Variants in TNRC6A observed in about 807,000 individuals in gnomAD.
The protein encoded by TNRC6A is trinucleotide repeat-containing gene 6A protein.
In TNRC6A, 44 loss-of-function variants were observed where a neutral mutation model predicts 221.2. The ratio of observed to expected loss-of-function variants is 0.20; its 90% confidence interval spans 0.16 to 0.26. The LOEUF is 0.26. Among genes scored for constraint, TNRC6A ranks in the 10% least tolerant of loss-of-function variants. The probability of loss-of-function intolerance (pLI) is 1.00; values close to 1 mark genes in which losing one functional copy is unlikely to be tolerated. For synonymous variants in TNRC6A, 847 were observed against 838.5 expected (o/e 1.01, Z -0.18); for missense variants, 2,199 against 2,404.4 (o/e 0.91, Z 1.79).
chr16:24,689,217 T>C (rs1341400997), intron 2 of TNRC6A, among the ~76,000 whole-genome samples: 1 of 152,186 alleles, frequency 6.6e-6, no homozygotes, highest in Non-Finnish European at 1.5e-5. Context: ...CACTTGGAGA[T>C]ACTAACCATC....
At chr16:24,652,297 A>G (rs1902716907) in intron 2 of TNRC6A, among the ~76,000 whole-genome samples, 1 of 152,260 alleles carries the variant, frequency 6.6e-6, no homozygotes, top group African/African-American at 2.4e-5. Flanking sequence ...TCCCGATTAT[A>G]TGGTGGCTAG....
intron 2 of TNRC6A, among the ~76,000 whole-genome samples, chr16:24,661,031 A>G (rs1018307808): frequency 1.1e-4 from 16 of 151,434 alleles, no homozygotes; most frequent in African/African-American, 2.7e-4. Flanking sequence ...GTGAGCCACC[A>G]CGCCCTGCCC....
intron 15 of TNRC6A, 79 bp from the exon 16 acceptor site, chr16:24,806,127 T>A: frequency 6.5e-7 from 1 of 1,528,736 alleles, no homozygotes; most frequent in Non-Finnish European, 9.0e-7. Context: ...CCTCTGTAGG[T>A]CCATCTGCTG....
At chr16:24,757,999 G>A (rs1165960796) in intron 3 of TNRC6A, among the ~76,000 whole-genome samples, 1 of 152,094 alleles carries the variant, frequency 6.6e-6, no homozygotes, top group Non-Finnish European at 1.5e-5. Context: ...AAATGTAAAG[G>A]TGACAGTTTG....
intron 11 of TNRC6A, among the ~76,000 whole-genome samples, chr16:24,801,586 C>T (rs9652594): frequency 0.12 from 16,038 of 139,452 alleles, 1,146 homozygotes; most frequent in Non-Finnish European, 0.17. Context: ...AGTGCAGTGG[C>T]GCAATCTCGG....
chr16:24,656,768 A>G (rs916803192), intron 2 of TNRC6A, among the ~76,000 whole-genome samples: 2 of 152,152 alleles, frequency 1.3e-5, no homozygotes, highest in Non-Finnish European at 2.9e-5. Flanking sequence ...AAGGAACCCT[A>G]CCTTTCAAAA....
intron 3 of TNRC6A, among the ~76,000 whole-genome samples, chr16:24,756,273 T>G (rs2057248372): frequency 6.6e-6 from 1 of 152,230 alleles, no homozygotes; most frequent in South Asian, 2.1e-4. Context: ...ATGTGGCAAG[T>G]GGCTGTTGTT....
chr16:24,679,202 TAGTC>T (rs2055481598), intron 2 of TNRC6A, among the ~76,000 whole-genome samples: 1 of 152,076 alleles, frequency 6.6e-6, no homozygotes, highest in South Asian at 2.1e-4. Context: ...TTCTCCATGT[TAGTC>T]AGGCTGGTCT....
intron 2 of TNRC6A, among the ~76,000 whole-genome samples, chr16:24,647,158 C>T (rs566760508): frequency 3.9e-4 from 59 of 152,200 alleles, no homozygotes; most frequent in African/African-American, 1.4e-3. Context: ...TCTCACACTC[C>T]GGTGCTCAAG....
intron 2 of TNRC6A, among the ~76,000 whole-genome samples, chr16:24,741,667 C>G (rs779831345): frequency 6.6e-6 from 1 of 152,152 alleles, no homozygotes; most frequent in African/African-American, 2.4e-5. Flanking sequence ...TTTGCGTCCA[C>G]CTAATTCTGC....
rs779255609 is a variant in TNRC6A, at chr16:24,631,022, GA to G, written n.277-9850del. 1.1e-3 allele frequency among the ~76,000 whole-genome samples: 143 copies of G among 135,756 alleles called. 1 individual carries two copies. Among genetic ancestry groups the G allele is most frequent in the East Asian group, 1.5e-3 (7 of 4,578 alleles). The allele number at this position is 135,756 out of a possible 152,430, so 89.1% of individuals were successfully genotyped here. A position where few individuals can be genotyped will look rare whatever the true frequency, so the allele number is the denominator to read the frequency against. ...TGTACATACAGATGAAGGGAAGAAAGAAAAAAAAAAAAGGGACCAGCCCTCC... is the reference window on the plus strand; with the variant it reads ...TGTACATACAGATGAAGGGAAGAAAGAAAAAAAAAAAGGGACCAGCCCTCC... On this transcript the variant is annotated intron_variant and non_coding_transcript_variant, in intron 1 of 2. Coordinates refer to the TNRC6A transcript ENST00000566108.
intron 1 of TNRC6A, among the ~76,000 whole-genome samples, chr16:24,619,729 G>A (rs186389979): frequency 4.0e-4 from 61 of 152,278 alleles, no homozygotes; most frequent in African/African-American, 1.4e-3. Flanking sequence ...TCCCTGACAC[G>A]GGGAACAAGA....
intron 2 of TNRC6A, among the ~76,000 whole-genome samples, chr16:24,679,517 C>T (rs1040473631): frequency 6.6e-6 from 1 of 152,036 alleles, no homozygotes; most frequent in Non-Finnish European, 1.5e-5. Context: ...TGCTCTGTCG[C>T]CCAGGCTGGA....
At chr16:24,623,901 CAAAAAAAAAAA>C (rs67546745) in intron 1 of TNRC6A, among the ~76,000 whole-genome samples, 13 of 55,162 alleles carry the variant, frequency 2.4e-4, no homozygotes, top group African/African-American at 9.3e-4. Flanking sequence ...GACCCTGTCT[CAAAAAAAAAAA>C]AAAAAAAAAA....
At chr16:24,727,318 C>T (rs1378659910), upstream of TNRC6A, among the ~76,000 whole-genome samples, 3 of 152,134 alleles carry the variant, frequency 2.0e-5, no homozygotes, top group African/African-American at 4.8e-5. Context: ...CATGAGCCAC[C>T]GCGCCTGGCC....
At chr16:24,645,530 T>C (rs1902231029) in intron 2 of TNRC6A, among the ~76,000 whole-genome samples, 1 of 151,366 alleles carries the variant, frequency 6.6e-6, no homozygotes, top group Non-Finnish European at 1.5e-5. Context: ...CCTACTTCTG[T>C]CCGAGTTATA....
intron 4 of TNRC6A, among the ~76,000 whole-genome samples, chr16:24,767,103 T>C (rs763226639): frequency 2.0e-5 from 3 of 152,266 alleles, no homozygotes; most frequent in Non-Finnish European, 4.4e-5. Flanking sequence ...TCATCAGATG[T>C]ATTTGATGCA....
At chr16:24,769,759 T>C (rs1389199648) in intron 4 of TNRC6A, among the ~76,000 whole-genome samples, 1 of 152,238 alleles carries the variant, frequency 6.6e-6, no homozygotes, top group Admixed American at 6.5e-5. Context: ...CTCTTGATCA[T>C]TCTTTCTCTT....
chr16:24,742,784 G>A (rs1221893178), intron 2 of TNRC6A, among the ~76,000 whole-genome samples: 2 of 152,132 alleles, frequency 1.3e-5, no homozygotes, highest in East Asian at 3.8e-4. Flanking sequence ...TTACCTGGGT[G>A]TGGTGGCAGG....
Sources: allele counts gnomAD v4.1 joint callset (sites outside exome capture counted in the v4.1 genomes callset), GRCh38; gene constraint gnomAD v4.1.1; transcripts MANE v1.5; gene names NCBI Gene and HGNC (gene_info 2026-07-23, HGNC 2026-07-21).